The following PPFIA1 variants were observed in gnomAD, a reference collection of about 807,000 sequenced individuals.
PPFIA1 encodes the protein PPFI scaffold protein A1.
Under a neutral mutation model 149.9 loss-of-function variants are expected in PPFIA1, and 25 were observed. The observed-to-expected ratio is 0.17, with a 90% confidence interval of 0.12 to 0.23. The LOEUF (loss-of-function observed/expected upper bound fraction) is 0.23, where lower values mean the gene tolerates loss of function less well. Ranked by LOEUF, PPFIA1 falls within the 10% of genes least tolerant of loss-of-function variation. PPFIA1 has a pLI of 1.00. For missense variants in PPFIA1, 1,362 were observed against 1,506.5 expected (o/e 0.90, Z 1.59); for synonymous variants, 549 against 552.8 (o/e 0.99, Z 0.10).
chr11:70,287,070 C>T (rs2051195744), intron 2 of PPFIA1, among the ~76,000 whole-genome samples: 1 of 151,968 alleles, frequency 6.6e-6, no homozygotes, highest in Admixed American at 6.6e-5. Flanking sequence ...CTAGGCTGGT[C>T]TCGAACTCTT....
At chr11:70,323,031 T>C (rs1435966451) in intron 2 of PPFIA1, among the ~76,000 whole-genome samples, 1 of 152,158 alleles carries the variant, frequency 6.6e-6, no homozygotes, top group Non-Finnish European at 1.5e-5. Flanking sequence ...TAAGAAACAG[T>C]TTCTGAAGTC....
chr11:70,287,444 T>C (rs768192383), intron 2 of PPFIA1, among the ~76,000 whole-genome samples: 2 of 152,032 alleles, frequency 1.3e-5, no homozygotes, highest in Non-Finnish European at 2.9e-5. Context: ...GCCCTGTGTA[T>C]ACTGATTCTC....
chr11:70,277,060 A>ATTTTTTTTTTTTT (rs1555076271), intron 2 of PPFIA1, among the ~76,000 whole-genome samples: 1 of 66,326 alleles, frequency 1.5e-5, no homozygotes, highest in African/African-American at 1.2e-4. Flanking sequence ...ATATATATAT[A>ATTTTTTTTTTTTT]TTTTTTTTTT....
intron 21 of PPFIA1, among the ~76,000 whole-genome samples, chr11:70,370,049 C>G (rs1285419257): frequency 2.6e-5 from 4 of 151,752 alleles, no homozygotes; most frequent in Non-Finnish European, 4.4e-5. Context: ...CCTCCTGGTT[C>G]AAGCAATTTT....
chr11:70,275,955 G>A (rs1315856472), intron 2 of PPFIA1, among the ~76,000 whole-genome samples: 1 of 152,156 alleles, frequency 6.6e-6, no homozygotes, highest in African/African-American at 2.4e-5. Flanking sequence ...TGGCCCTGTA[G>A]ATATTCTTTA....
At chr11:70,290,477 C>T (rs142971993) in intron 2 of PPFIA1, among the ~76,000 whole-genome samples, 1,578 of 152,296 alleles carry the variant, frequency 0.01, 93 homozygotes, top group Admixed American at 0.097. Context: ...TTTGTTGGCG[C>T]CTGCTAATGC....
chr11:70,299,323 G>A (rs1268329945), intron 2 of PPFIA1, among the ~76,000 whole-genome samples: 1 of 152,148 alleles, frequency 6.6e-6, no homozygotes, highest in Non-Finnish European at 1.5e-5. Flanking sequence ...TCTTACAGGG[G>A]TCAGACACCA....
chr11:70,290,697 C>T (rs1490801398), intron 2 of PPFIA1, among the ~76,000 whole-genome samples: 1 of 152,142 alleles, frequency 6.6e-6, no homozygotes, highest in Non-Finnish European at 1.5e-5. Context: ...GAGCTTGAAG[C>T]ATATTGTACA....
chr11:70,328,602 G>A (rs1419446318), intron 7 of PPFIA1, among the ~76,000 whole-genome samples: 1 of 152,026 alleles, frequency 6.6e-6, no homozygotes, highest in Non-Finnish European at 1.5e-5. Context: ...CCCCGTAATG[G>A]GATTTCTGGG....
intron 2 of PPFIA1, among the ~76,000 whole-genome samples, chr11:70,309,658 A>T (rs1030274369): frequency 2.0e-5 from 3 of 152,180 alleles, no homozygotes; most frequent in South Asian, 2.1e-4. Context: ...TTTCCAAAAA[A>T]TAAAAAGGAA....
chr11:70,316,013 C>CA (rs1169139196), intron 2 of PPFIA1, among the ~76,000 whole-genome samples: 2 of 152,050 alleles, frequency 1.3e-5, no homozygotes, highest in Non-Finnish European at 2.9e-5. Context: ...TCACTCAGCC[C>CA]AACATCCTCA....
In PPFIA1 at chr11:70,303,317, A is replaced by T. The variant is rs2052615310; in HGVS notation, c.265-21085A>T. Among the ~76,000 whole-genome samples, 6 of 152,306 alleles carry T rather than the reference A, an allele frequency of 3.9e-5. No individual in the cohort carries two copies. In the South Asian group the frequency reaches 1.2e-3, roughly 32 times the overall value. ...GACAAGTCTTGGAAAGCGGTCTCAG[A>T]ATGCTTACTCACACACATCTGGGAC... On this transcript the variant is annotated intron_variant, in intron 2 of 27. Coordinates refer to ENST00000253925, the MANE Select transcript of PPFIA1 (RefSeq NM_003626.5).
intron 2 of PPFIA1, among the ~76,000 whole-genome samples, chr11:70,287,423 G>A (rs1192801783): frequency 2.6e-5 from 4 of 151,810 alleles, no homozygotes; most frequent in Admixed American, 6.6e-5. Flanking sequence ...CTCTTTCAGC[G>A]ATCCGGTTTT....
intron 2 of PPFIA1, among the ~76,000 whole-genome samples, chr11:70,298,875 A>G (rs2052277411): frequency 6.6e-6 from 1 of 152,230 alleles, no homozygotes; most frequent in Admixed American, 6.5e-5. Context: ...TCAGTAATTT[A>G]GAGGGTAAGT....
At chr11:70,279,722 GGTGTGTGTGTGTGT>G (rs71046599) in intron 2 of PPFIA1, among the ~76,000 whole-genome samples, 12 of 135,394 alleles carry the variant, frequency 8.9e-5, no homozygotes, top group East Asian at 4.4e-4. Context: ...TATGTGTCTA[GGTGTGTGTGTGTGT>G]GTGTGTGTGT....
At chr11:70,332,189 C>T (rs2054707347) in intron 9 of PPFIA1, 95 bp downstream of exon 9, 7 of 1,405,198 alleles carry the variant, frequency 5.0e-6, no homozygotes, top group Non-Finnish European at 6.6e-6. Context: ...TACATCAGCA[C>T]CTAAATCCGT....
At chr11:70,348,528 G>A in intron 16 of PPFIA1, 108 bp downstream of exon 16, 1 of 903,896 alleles carries the variant, frequency 1.1e-6, no homozygotes, top group Non-Finnish European at 1.7e-6. Context: ...GTTATTCTAA[G>A]AGGTTCAAGA....
At chr11:70,292,127 G>A (rs976642323) in intron 2 of PPFIA1, among the ~76,000 whole-genome samples, 11 of 152,090 alleles carry the variant, frequency 7.2e-5, no homozygotes, top group African/African-American at 1.4e-4. Context: ...GTGAGCCACC[G>A]CGCTTGGCCA....
chr11:70,325,625 C>G, intron 5 of PPFIA1, 51 bp downstream of exon 5: 4 of 1,374,530 alleles, frequency 2.9e-6, no homozygotes, highest in Non-Finnish European at 4.1e-6. Flanking sequence ...TTATTTTTAT[C>G]CTTTAATTAT....
Sources: gnomAD v4.1 joint callset for allele counts (sites outside exome capture counted in the v4.1 genomes callset) on GRCh38, gnomAD v4.1.1 for gene constraint, MANE v1.5 for transcripts, NCBI Gene and HGNC (gene_info 2026-07-23, HGNC 2026-07-21) for gene names.